AGBL4: variants seen among roughly 807,000 people sequenced by gnomAD.
AGBL4 encodes cytosolic carboxypeptidase 6.
A neutral mutation model predicts 66.4 loss-of-function variants in AGBL4; 58 were observed. That is an observed-to-expected ratio of 0.87 (90% CI 0.71 to 1.09). The LOEUF (loss-of-function observed/expected upper bound fraction) is 1.09. Ranked by LOEUF, AGBL4 falls within the 50% of genes least tolerant of loss-of-function variation. The pLI, the probability that AGBL4 is intolerant of heterozygous loss-of-function variation, is 0.00. For missense variants in AGBL4, 579 were observed against 631.0 expected (o/e 0.92, Z 0.88); for synonymous variants, 234 against 222.9 (o/e 1.05, Z -0.44).
chr1:48,565,458 T>C (rs967065004), intron 11 of AGBL4, among the ~76,000 whole-genome samples: 1 of 152,214 alleles, frequency 6.6e-6, no homozygotes, highest in Non-Finnish European at 1.5e-5. Flanking sequence ...TTCTAGTATC[T>C]ACCCCTGAGT....
intron 11 of AGBL4, among the ~76,000 whole-genome samples, chr1:48,553,299 T>G (rs1644276094): frequency 6.6e-6 from 1 of 152,130 alleles, no homozygotes; most frequent in African/African-American, 2.4e-5. Context: ...TTCTGAGAGA[T>G]ATTCAGCTCC....
intron 5 of AGBL4, among the ~76,000 whole-genome samples, chr1:48,985,076 CA>C (rs994400845): frequency 9.9e-5 from 15 of 151,652 alleles, no homozygotes; most frequent in Admixed American, 9.9e-4. Flanking sequence ...AAAAACAAAC[CA>C]AAAAAACAGA....
In AGBL4 at chr1:49,375,198, T is replaced by A. The variant is rs12120453; in HGVS notation, c.283-129334A>T. On this transcript the variant is annotated intron_variant, in intron 3 of 13. Coordinates refer to ENST00000371839, the MANE Select transcript of AGBL4 (RefSeq NM_032785.4). ...GAATAATGATATGATTCAGACATGA[T>A]ACCTGCCCTTAAGAAGGTTGTCAGT... 1.4e-4 allele frequency among the ~76,000 whole-genome samples: 22 copies of A among 152,142 alleles called. No homozygotes were observed. The South Asian group carries it at 4.6e-3, about 31-fold the overall frequency.
At chr1:48,730,875 C>T (rs1648011149) in intron 6 of AGBL4, among the ~76,000 whole-genome samples, 3 of 152,180 alleles carry the variant, frequency 2.0e-5, no homozygotes, top group Admixed American at 2.0e-4. Flanking sequence ...AGACACTCCA[C>T]AAAAGGTCAT....
chr1:48,838,359 A>T (rs1646729798), intron 6 of AGBL4, among the ~76,000 whole-genome samples: 1 of 152,186 alleles, frequency 6.6e-6, no homozygotes, highest in Non-Finnish European at 1.5e-5. Context: ...CCAGTAGAAC[A>T]GAATAGAAAA....
At chr1:49,773,634 C>T (rs1223579257) in intron 2 of AGBL4, among the ~76,000 whole-genome samples, 1 of 152,132 alleles carries the variant, frequency 6.6e-6, no homozygotes, top group African/African-American at 2.4e-5. Context: ...TCCCTGTTGG[C>T]CAGGCACATG....
intron 3 of AGBL4, among the ~76,000 whole-genome samples, chr1:49,372,615 CTTTCTTT>C (rs1644375199): frequency 4.5e-5 from 1 of 22,376 alleles, no homozygotes; most frequent in South Asian, 1.2e-3. Flanking sequence ...CTTTTTCTTT[CTTTCTTT>C]CTTTCTTTCT....
chr1:49,753,554 G>A (rs953616376), intron 2 of AGBL4, among the ~76,000 whole-genome samples: 3 of 152,098 alleles, frequency 2.0e-5, no homozygotes, highest in African/African-American at 7.2e-5. Context: ...TCTTGGGGTT[G>A]CTATTCTCAA....
intron 5 of AGBL4, among the ~76,000 whole-genome samples, chr1:49,008,998 G>A (rs879797254): frequency 1.5e-4 from 23 of 150,146 alleles, no homozygotes; most frequent in Admixed American, 6.0e-4. Context: ...ACATTCAAAA[G>A]CTAGCAGAAG....
chr1:48,542,348 T>C (rs1644088116), intron 11 of AGBL4, among the ~76,000 whole-genome samples: 1 of 152,216 alleles, frequency 6.6e-6, no homozygotes, highest in African/African-American at 2.4e-5. Flanking sequence ...ATCCTTTGGG[T>C]ATAAACCCAG....
intron 3 of AGBL4, among the ~76,000 whole-genome samples, chr1:49,564,234 T>C (rs866592764): frequency 2.6e-5 from 4 of 152,316 alleles, no homozygotes; most frequent in Non-Finnish European, 5.9e-5. Flanking sequence ...TCTATCAATT[T>C]TGTTGATCTT....
chr1:48,651,875 T>C lies in AGBL4; in HGVS notation c.839+1462A>G, dbSNP rs536666953. ...CTCTGGGACTCAGTTTCTTCATTAG[T>C]AAAGTCATCCTTCTCATCTCTCATA... On this transcript the variant is annotated intron_variant, in intron 8 of 13. Coordinates refer to ENST00000371839, the MANE Select transcript of AGBL4 (RefSeq NM_032785.4). Among the ~76,000 whole-genome samples, 6 of 152,348 alleles carry C rather than the reference T, an allele frequency of 3.9e-5. No homozygotes were observed. The East Asian group carries it at 7.7e-4, about 20-fold the overall frequency.
At chr1:48,536,150 A>C (rs1228588407) in intron 12 of AGBL4, among the ~76,000 whole-genome samples, 1 of 152,092 alleles carries the variant, frequency 6.6e-6, no homozygotes, top group Non-Finnish European at 1.5e-5. Context: ...TGATATTTGG[A>C]CTGAGTTTTG....
intron 1 of AGBL4, among the ~76,000 whole-genome samples, chr1:49,856,308 A>T (rs1646431981): frequency 6.6e-6 from 1 of 152,056 alleles, no homozygotes; most frequent in East Asian, 1.9e-4. Flanking sequence ...AATCTACCAA[A>T]CTTTTTAAAA....
At chr1:49,239,838 A>G (rs1381855533) in intron 4 of AGBL4, among the ~76,000 whole-genome samples, 2 of 152,092 alleles carry the variant, frequency 1.3e-5, no homozygotes, top group East Asian at 3.9e-4. Context: ...GGAGACAGAT[A>G]ATAAATAAAT....
intron 5 of AGBL4, among the ~76,000 whole-genome samples, chr1:48,898,835 G>C (rs887150189): frequency 6.6e-6 from 1 of 152,152 alleles, no homozygotes; most frequent in Non-Finnish European, 1.5e-5. Context: ...CACAAAAAGG[G>C]AGAGACATCC....
At chr1:49,514,835 T>C (rs1223243383) in intron 3 of AGBL4, among the ~76,000 whole-genome samples, 8 of 152,128 alleles carry the variant, frequency 5.3e-5, no homozygotes, top group Admixed American at 2.0e-4. Context: ...GCTAGCCATA[T>C]GTAGAAAGCT....
chr1:49,877,703 T>G (rs1647062421), intron 1 of AGBL4, among the ~76,000 whole-genome samples: 1 of 151,906 alleles, frequency 6.6e-6, no homozygotes, highest in Admixed American at 6.6e-5. Flanking sequence ...TCCCTCTTTT[T>G]CTATTGATTG....
intron 3 of AGBL4, among the ~76,000 whole-genome samples, chr1:49,568,828 C>T (rs1409208038): frequency 6.6e-6 from 1 of 152,068 alleles, no homozygotes; most frequent in African/African-American, 2.4e-5. Context: ...TGGAACAGCA[C>T]AGATAACTCA....
Sources: gnomAD v4.1 joint callset for allele counts (sites outside exome capture counted in the v4.1 genomes callset) on GRCh38, gnomAD v4.1.1 for gene constraint, MANE v1.5 for transcripts, NCBI Gene and HGNC (gene_info 2026-07-23, HGNC 2026-07-21) for gene names.